Variants in MAU2 observed in about 807,000 individuals in gnomAD.
The protein encoded by MAU2 is MAU2 sister chromatid cohesion factor.
A neutral mutation model predicts 89.1 loss-of-function variants in MAU2; 9 were observed. That is an observed-to-expected ratio of 0.10 (90% confidence interval 0.06 to 0.18). The LOEUF (loss-of-function observed/expected upper bound fraction) is 0.18. Ranked by LOEUF, MAU2 falls within the 10% of genes least tolerant of loss-of-function variation. The pLI is 1.00. For missense variants in MAU2, 425 were observed against 803.5 expected, an observed-to-expected ratio of 0.53 and a Z score of 5.69; for synonymous variants, 357 against 343.4, an observed-to-expected ratio of 1.04 and a Z score of -0.44.
rs148881126 is a variant in MAU2, at chr19:19,345,597, G to A, written c.1221+228G>A. ...GGCTTCCTGAGCTGACCCAAGGGCAGACGTGAGGGAGAGGTGCGACGCGTC... is the reference window on the plus strand; with the variant it reads ...GGCTTCCTGAGCTGACCCAAGGGCAAACGTGAGGGAGAGGTGCGACGCGTC... On this transcript the variant is annotated intron_variant, in intron 12 of 18. Coordinates refer to ENST00000262815, the MANE Select transcript of MAU2 (RefSeq NM_015329.4). The surrounding 1 kb of genome is among the most constrained non-coding windows in gnomAD (Gnocchi z 4.9). 4.7e-3 allele frequency among the ~76,000 whole-genome samples: 723 copies of A among 152,340 alleles called. 3 individuals are homozygous for A. The highest frequency in any genetic ancestry group is 0.03 in the South Asian group (145 of 4,828).
intron 16 of MAU2, 97 bp downstream of exon 16, chr19:19,349,533 C>A (rs935559850): frequency 5.8e-6 from 6 of 1,034,996 alleles, no homozygotes; most frequent in African/African-American, 1.6e-5. Flanking sequence ...TGGCACTGTT[C>A]ATCCTATGCC....
At chr19:19,335,579 C>G (rs963756141) in intron 1 of MAU2, 139 bp from the exon 2 acceptor site, 3 of 796,060 alleles carry the variant, frequency 3.8e-6, no homozygotes, top group African/African-American at 1.7e-5. Flanking sequence ...CCCTCTCAGG[C>G]CAAGCGGGCC....
Position 19,336,129 on chromosome 19 carries a change from A to G in MAU2, c.302A>G (p.Gln101Arg), listed in dbSNP as rs1375408412. The stretch of plus-strand genomic sequence containing the variant: ...TTAACTGGACGTCACTAGATCCCGC[A>G]GTTCGAAGATGTTAAATTTGAAGCA... ...KAWLISQQIP[Q>R]FEDVKFEAAS... The change falls in exon 3 of 19, where the codon CAG (glutamine) becomes CGG (arginine). Residue 101 changes from glutamine to arginine, a missense_variant. This residue lies in a region of MAU2 where 119 missense variants were observed against 299.8 expected (regional missense o/e 0.40). Transcript: ENST00000262815. The G allele has an allele frequency of 1.2e-6, 2 of 1,612,714 alleles. No homozygotes were observed. Among genetic ancestry groups the G allele is most frequent in the Admixed American group, 1.7e-5 (1 of 59,956 alleles).
Position 19,355,788 on chromosome 19 carries a change from T to C in MAU2, c.*6T>C. 1 of 1,605,452 alleles carries C rather than the reference T, an allele frequency of 6.2e-7. No homozygotes were observed. The highest frequency in any genetic ancestry group is 8.5e-7 in the Non-Finnish European group (1 of 1,179,698). Reference sequence around the variant, plus strand: ...GCCTGGCCAGCCTCCTGTGAGGCCTTGATGGGGCCATCCAGCTCCGCAGGG... The same window carrying C: ...GCCTGGCCAGCCTCCTGTGAGGCCTCGATGGGGCCATCCAGCTCCGCAGGG... On this transcript the variant is annotated 3_prime_UTR_variant, in exon 19 of 19. Transcript: ENST00000262815.
At chr19:19,335,215 T>C (rs1653482732) in intron 1 of MAU2, among the ~76,000 whole-genome samples, 1 of 152,226 alleles carries the variant, frequency 6.6e-6, no homozygotes, top group African/African-American at 2.4e-5. Context: ...ACTTTGCTTA[T>C]AGCCAAGCAT....
Position 19,349,161 on chromosome 19 carries a change from C to G in MAU2, c.1365C>G (p.His455Gln). The change falls in exon 15 of 19, where the codon CAC (histidine) becomes CAG (glutamine). Residue 455 changes from histidine to glutamine, a missense_variant. This residue lies in a region of MAU2 where 66 missense variants were observed against 129.1 expected (regional missense o/e 0.51). Transcript: ENST00000262815. ...TACTGCACTCTCCCTGCAGCTCGCA[C>G]TGCCTCCGAGCAGCCGCCTTCTATG... is the stretch of plus-strand genomic sequence containing the variant. The part of the protein sequence containing the change: ...NPDHSFPVSS[H>Q]CLRAAAFYVR... 2 of 1,614,118 alleles carry G rather than the reference C, an allele frequency of 1.2e-6. No individual in the cohort carries two copies. The highest frequency in any genetic ancestry group is 1.7e-6 in the Non-Finnish European group (2 of 1,180,038).
At chr19:19,321,670 C>T (rs1263682965) in intron 1 of MAU2, 1 of 152,376 alleles carries the variant, frequency 6.6e-6, no homozygotes, top group African/African-American at 2.4e-5. Context: ...GTTTGGTAAT[C>T]GTGGTTTTTG....
chr19:19,338,786 C>A, intron 4 of MAU2, 59 bp from the exon 5 acceptor site: 1 of 1,289,910 alleles, frequency 7.8e-7, no homozygotes, highest in Non-Finnish European at 1.1e-6. Context: ...AGCACGAAGG[C>A]AGGTACCGTA....
At position 19,349,320 on chromosome 19, in the gene MAU2, G is replaced by C. The variant is rs2061722732; in HGVS notation, c.1437-5G>C. The C allele has an allele frequency of 6.2e-7, 1 of 1,614,132 alleles. No homozygotes were observed. Among genetic ancestry groups the C allele is most frequent in the East Asian group, 2.2e-5 (1 of 44,872 alleles). ...AGTTATCAGCGTCCATGTTCTCCTT[G>C]TCAGGCGATTTCTGCGGGAAACTCT... is the stretch of plus-strand genomic sequence containing the variant. On this transcript the variant is annotated splice_region_variant and splice_polypyrimidine_tract_variant and intron_variant, in intron 15 of 18. Transcript: ENST00000262815.
chr19:19,347,327 G>T lies in MAU2; in HGVS notation c.1269G>T (p.Ala423=). 6.2e-7 allele frequency: 1 copy of T among 1,613,870 alleles called. No homozygotes were observed. The highest frequency in any genetic ancestry group is 8.5e-7 in the Non-Finnish European group (1 of 1,179,964). ...ELWAFIVTNL[A]SVYIREGNRH... Reference sequence around the variant, plus strand: ...GGGCCTTCATCGTCACCAACCTGGCGAGTGTGTATATACGGGAAGGAAATA... The same window carrying T: ...GGGCCTTCATCGTCACCAACCTGGCTAGTGTGTATATACGGGAAGGAAATA... The change falls in exon 13 of 19, where the codon GCG becomes GCT. Residue 423 remains alanine, a synonymous_variant. Coordinates refer to ENST00000262815, the MANE Select transcript of MAU2 (RefSeq NM_015329.4).
chr19:19,343,327 G>A (rs1051865234), intron 9 of MAU2, among the ~76,000 whole-genome samples: 7 of 152,218 alleles, frequency 4.6e-5, no homozygotes, highest in African/African-American at 1.4e-4. Flanking sequence ...GTGCCCATTA[G>A]TCGGTCTGTT....
At chr19:19,322,071 C>T (rs1024418696) in intron 1 of MAU2, among the ~76,000 whole-genome samples, 2 of 151,338 alleles carry the variant, frequency 1.3e-5, no homozygotes, top group Middle Eastern at 3.2e-3. Flanking sequence ...CATCTTGGCT[C>T]ACTGCAAGTT....
intron 13 of MAU2, chr19:19,348,055 C>T (rs893540459): frequency 5.9e-5 from 9 of 153,444 alleles, no homozygotes; most frequent in Non-Finnish European, 1.2e-4. Context: ...ATCTCCTTCA[C>T]CTCTGGGGGT....
At chr19:19,321,179 G>C in intron 1 of MAU2, 44 bp downstream of exon 1, 1 of 1,533,918 alleles carries the variant, frequency 6.5e-7, no homozygotes, top group Non-Finnish European at 8.8e-7. Flanking sequence ...CGGGCTCCTT[G>C]CAAGATCTGG....
At chr19:19,339,715 C>G (rs1334265761) in intron 5 of MAU2, 1 of 151,836 alleles carries the variant, frequency 6.6e-6, no homozygotes, top group Non-Finnish European at 1.5e-5. Flanking sequence ...GTGAGTGCGT[C>G]TAAGCCATGT....
rs778744271 is a variant in MAU2, at chr19:19,356,956, A to AC, written c.*1179dup. On this transcript the variant is annotated 3_prime_UTR_variant, in exon 19 of 19. Coordinates refer to ENST00000262815, the MANE Select transcript of MAU2 (RefSeq NM_015329.4). ...AGCAGGTGTCAGGGCTCAAGACACC[A>AC]CCCCCTCCAGCTTCTGGGGCCCAGG... 1 of 151,614 alleles carries AC rather than the reference A, an allele frequency of 6.6e-6. No homozygotes were observed. Among genetic ancestry groups the AC allele is most frequent in the Non-Finnish European group, 1.5e-5 (1 of 67,934 alleles). 9.4% of individuals were successfully genotyped at this position (151,614 alleles called of 1,614,324 possible). A position where few individuals can be genotyped will look rare whatever the true frequency, so the allele number is the denominator to read the frequency against.
Position 19,341,546 on chromosome 19 carries a change from G to A in MAU2, c.735+139G>A, listed in dbSNP as rs957406999. On this transcript the variant is annotated intron_variant, in intron 7 of 18. Coordinates refer to ENST00000262815, the MANE Select transcript of MAU2 (RefSeq NM_015329.4). ...ACAACAGGGCTGTCATACCAGTCCCGGACACACACACTCCTGTCCTGCTCT... is the reference window on the plus strand; with the variant it reads ...ACAACAGGGCTGTCATACCAGTCCCAGACACACACACTCCTGTCCTGCTCT... The A allele has an allele frequency of 2.7e-5, 28 of 1,036,992 alleles. No homozygotes were observed. The East Asian group carries it at 4.4e-4, about 16-fold the overall frequency. 64.2% of individuals were successfully genotyped at this position (1,036,992 alleles called of 1,614,324 possible).
intron 1 of MAU2, chr19:19,334,141 G>C: frequency 3.0e-6 from 3 of 984,014 alleles, no homozygotes; most frequent in Non-Finnish European, 3.6e-6. Context: ...CTCTTCTGTT[G>C]CATCACACAC....
rs777679662 is a variant in MAU2 at position 19,343,823 on chromosome 19, ACT to A, written c.974-10_974-9del. ...GGCCTCCCCTGCATGCTTACCCCTG[ACT>A]CTCACCCATAGTGCTGGACTGCAGC... is the stretch of plus-strand genomic sequence containing the variant. On this transcript the variant is annotated splice_polypyrimidine_tract_variant and intron_variant, in intron 9 of 18. Transcript: ENST00000262815. The A allele has an allele frequency of 4.4e-6, 7 of 1,603,682 alleles. No individual in the cohort carries two copies. The highest frequency in any genetic ancestry group is 1.6e-4 in the Middle Eastern group (1 of 6,070).
Sources: gnomAD v4.1 joint callset for allele counts (sites outside exome capture counted in the v4.1 genomes callset) on GRCh38, gnomAD v4.1.1 for gene constraint, gnomAD v4.1.1 regional missense constraint, Gnocchi (gnomAD v3.1) non-coding constraint, MANE v1.5 for transcripts, NCBI Gene and HGNC (gene_info 2026-07-23, HGNC 2026-07-21) for gene names.